Variants in WNK2 observed in about 807,000 individuals in gnomAD.
The protein encoded by WNK2 is serine/threonine-protein kinase WNK2.
Under a neutral mutation model 192.1 loss-of-function variants are expected in WNK2, and 67 were observed. That is an observed-to-expected ratio of 0.35 (90% CI 0.29 to 0.43). The LOEUF (loss-of-function observed/expected upper bound fraction) is 0.43, where lower values mean the gene tolerates loss of function less well. Among genes scored for constraint, WNK2 ranks in the 20% least tolerant of loss-of-function variants. The pLI is 1.00. For synonymous variants in WNK2, 1,439 were observed against 1,393.9 expected, an observed-to-expected ratio of 1.03 and a Z score of -0.72; for missense variants, 2,698 against 3,089.7, an observed-to-expected ratio of 0.87 and a Z score of 3.01.
intron 19 of WNK2, among the ~76,000 whole-genome samples, chr9:93,281,414 A>G (rs1020715576): frequency 3.9e-5 from 6 of 152,204 alleles, no homozygotes; most frequent in African/African-American, 1.2e-4. Context: ...TGAAAAATAC[A>G]TTAGTTAAAA....
intron 2 of WNK2, among the ~76,000 whole-genome samples, chr9:93,205,383 C>A (rs1007757400): frequency 6.6e-6 from 1 of 152,206 alleles, no homozygotes; most frequent in African/African-American, 2.4e-5. Flanking sequence ...CCCCCCAGGT[C>A]TGGAGAGGCC....
chr9:93,250,649 C>T (rs1193620269), intron 8 of WNK2, among the ~76,000 whole-genome samples: 1 of 152,220 alleles, frequency 6.6e-6, no homozygotes, highest in Non-Finnish European at 1.5e-5. Flanking sequence ...AAACTGCCCA[C>T]CAAGTGTCCT....
chr9:93,195,105 A>G (rs1445575271), intron 2 of WNK2, among the ~76,000 whole-genome samples: 1 of 152,146 alleles, frequency 6.6e-6, no homozygotes, highest in Non-Finnish European at 1.5e-5. Flanking sequence ...CAGTGAAACT[A>G]TTTTGTATGA....
intron 20 of WNK2, 111 bp from the exon 21 acceptor site, chr9:93,289,867 G>A: frequency 8.8e-7 from 1 of 1,137,998 alleles, no homozygotes; most frequent in Non-Finnish European, 1.2e-6. Flanking sequence ...CACAGGGGCT[G>A]GGGCAGCCCA....
At chr9:93,214,104 G>A (rs918299505) in intron 2 of WNK2, among the ~76,000 whole-genome samples, 8 of 151,874 alleles carry the variant, frequency 5.3e-5, no homozygotes, top group Admixed American at 1.3e-4. Context: ...TCTTTCTTGC[G>A]TTTCCAAACG....
intron 2 of WNK2, among the ~76,000 whole-genome samples, chr9:93,190,805 C>T (rs562182977): frequency 6.6e-5 from 10 of 152,328 alleles, no homozygotes; most frequent in Non-Finnish European, 1.3e-4. Flanking sequence ...GGCTGCTTCA[C>T]GGGTCACCCG....
In WNK2 at chr9:93,292,309, A is replaced by C. The variant is rs989268525; in HGVS notation, c.4938A>C (p.Ala1646=). 6 of 1,613,842 alleles carry C rather than the reference A, an allele frequency of 3.7e-6. No homozygotes were observed. The highest frequency in any genetic ancestry group is 5.1e-6 in the Non-Finnish European group (6 of 1,179,850). Residue 1646 remains alanine (A), a splice_region_variant and synonymous_variant, in exon 22 of 30, where the codon GCA becomes GCC. Coordinates refer to ENST00000427277, the MANE Select transcript of WNK2 (RefSeq NM_006648.4). The part of the protein sequence containing the change: ...MEQGTSSSMT[A]ESSPRSMLGY... ...GTAACGTTTCTGATGTTCCCATAGC[A>C]GAGTCGTCTCCCAGGAGTATGCTAG...
In WNK2 at chr9:93,262,038, G is replaced by T; in HGVS notation, c.3291G>T (p.Pro1097=). 6.8e-6 allele frequency: 11 copies of T among 1,610,474 alleles called. No homozygotes were observed. Among genetic ancestry groups the T allele is most frequent in the Non-Finnish European group, 9.3e-6 (11 of 1,178,358 alleles). Residue 1097 remains proline (P), a synonymous_variant, in exon 13 of 30, where the codon CCG becomes CCT. Transcript: ENST00000427277. ...CACTTCTGCCACCAGCAAACCCACC[G>T]CTGCCTGGCGGGCCCGGGATCGCCA... The part of the protein sequence containing the change: ...TATLLPPANP[P]LPGGPGIASP...
chr9:93,220,863 A>G (rs1017603998), intron 2 of WNK2, among the ~76,000 whole-genome samples: 2 of 152,084 alleles, frequency 1.3e-5, no homozygotes, highest in Non-Finnish European at 1.5e-5. Flanking sequence ...GTCATGGTTC[A>G]TTGCCTCAGG....
intron 2 of WNK2, among the ~76,000 whole-genome samples, chr9:93,212,011 ACACT>A (rs1177809333): frequency 6.6e-6 from 1 of 151,280 alleles, no homozygotes; most frequent in East Asian, 2.0e-4. Flanking sequence ...ACTCATTCAC[ACACT>A]CACACATTCA....
Position 93,318,781 on chromosome 9 carries a change from G to A in WNK2, c.6628+1150G>A, listed in dbSNP as rs1400715047. 42 of 1,412,234 alleles carry A rather than the reference G, an allele frequency of 3.0e-5. No individual in the cohort carries two copies. In the Admixed American group the frequency reaches 1.2e-3, roughly 40 times the overall value. The allele number at this position is 1,412,234 out of a possible 1,614,324, so 87.5% of individuals were successfully genotyped here. On this transcript the variant is annotated intron_variant, in intron 29 of 29. Coordinates refer to ENST00000427277, the MANE Select transcript of WNK2 (RefSeq NM_006648.4). ...CGGAGGGCGGGGTCATTCTTCTCCTGGAGATTTCAGTGGGACTCGTCCCCA... is the reference window on the plus strand; with the variant it reads ...CGGAGGGCGGGGTCATTCTTCTCCTAGAGATTTCAGTGGGACTCGTCCCCA...
intron 19 of WNK2, among the ~76,000 whole-genome samples, chr9:93,274,069 C>T (rs754668538): frequency 1.1e-4 from 17 of 152,014 alleles, no homozygotes; most frequent in Non-Finnish European, 2.2e-4. Context: ...AAATCCGAAG[C>T]AAGCATAATG....
intron 23 of WNK2, among the ~76,000 whole-genome samples, chr9:93,297,571 G>A (rs757980242): frequency 1.3e-5 from 2 of 152,242 alleles, no homozygotes; most frequent in East Asian, 1.9e-4. Context: ...TAAGCATTCC[G>A]AGTCTGGGTA....
intron 28 of WNK2, among the ~76,000 whole-genome samples, chr9:93,311,910 G>A (rs1207808665): frequency 2.0e-5 from 3 of 151,914 alleles, no homozygotes; most frequent in Admixed American, 1.3e-4. Context: ...GTGAGCCACC[G>A]TGCGCCACCG....
intron 24 of WNK2, 28 bp from the exon 25 acceptor site, chr9:93,299,042 G>A (rs1344039175): frequency 6.3e-7 from 1 of 1,597,314 alleles, no homozygotes; most frequent in East Asian, 2.3e-5. Flanking sequence ...GCCTCATCGT[G>A]CCTGTCGCCT....
intron 16 of WNK2, among the ~76,000 whole-genome samples, chr9:93,265,191 G>A (rs1259564985): frequency 2.6e-5 from 4 of 152,254 alleles, no homozygotes; most frequent in Non-Finnish European, 5.9e-5. Flanking sequence ...GGCAATAAGC[G>A]AGAGAGAATG....
chr9:93,263,402 G>A, intron 14 of WNK2, 164 bp from the exon 15 acceptor site: 1 of 824,514 alleles, frequency 1.2e-6, no homozygotes, highest in Middle Eastern at 2.8e-4. Context: ...CTGGGTGAGG[G>A]CCCAGAAGCA....
At chr9:93,252,056 G>A (rs1044390374) in intron 8 of WNK2, among the ~76,000 whole-genome samples, 19 of 152,152 alleles carry the variant, frequency 1.2e-4, no homozygotes, top group Non-Finnish European at 1.0e-4. Context: ...TTTGTAAGTG[G>A]TAAATTCTAA....
intron 16 of WNK2, chr9:93,267,359 A>C: frequency 5.6e-6 from 1 of 177,098 alleles, no homozygotes; most frequent in Admixed American, 5.8e-5. Flanking sequence ...GTCTGTCATG[A>C]CTGCCTGGGC....
Sources: gnomAD v4.1 joint callset for allele counts (sites outside exome capture counted in the v4.1 genomes callset) on GRCh38, gnomAD v4.1.1 for gene constraint, MANE v1.5 for transcripts, NCBI Gene and HGNC (gene_info 2026-07-23, HGNC 2026-07-21) for gene names.